PISD: variants seen among roughly 807,000 people sequenced by gnomAD.
The protein encoded by PISD is phosphatidylserine decarboxylase.
PISD carries 31 observed loss-of-function variants against 43.5 expected under a neutral mutation model. The ratio of observed to expected loss-of-function variants is 0.71; its 90% CI spans 0.54 to 0.96. The LOEUF is 0.96. PISD is among the 40% of genes least tolerant of loss of function. The pLI is 0.00. For missense variants in PISD, 523 were observed against 548.4 expected (o/e 0.95, Z 0.46); for synonymous variants, 259 against 228.7 (o/e 1.13, Z -1.20).
intron 2 of PISD, among the ~76,000 whole-genome samples, 158 bp downstream of exon 2, chr22:31,650,541 A>G (rs1372542056): frequency 2.0e-5 from 3 of 151,462 alleles, no homozygotes; most frequent in Non-Finnish European, 4.4e-5. Context: ...AAAAAAAAAA[A>G]GAAAAAGAAA....
At chr22:31,645,855 TAAAA>T (rs200852599) in intron 3 of PISD, among the ~76,000 whole-genome samples, 1 of 108,136 alleles carries the variant, frequency 9.2e-6, no homozygotes, top group Non-Finnish European at 2.0e-5. Flanking sequence ...AGACTCCATC[TAAAA>T]AAAAAAAAAA....
chr22:31,637,651 C>G (rs1468841616), intron 3 of PISD, among the ~76,000 whole-genome samples: 2 of 152,116 alleles, frequency 1.3e-5, no homozygotes, highest in South Asian at 4.1e-4. Flanking sequence ...CTCCATTTTC[C>G]AGAGCAAAGA....
intron 3 of PISD, among the ~76,000 whole-genome samples, chr22:31,623,019 C>T (rs557148265): frequency 6.6e-6 from 1 of 152,350 alleles, no homozygotes; most frequent in Admixed American, 6.5e-5. Flanking sequence ...GAGCCCAGGC[C>T]CTTCCCAGGC....
intron 3 of PISD, among the ~76,000 whole-genome samples, chr22:31,633,921 T>C (rs1400188244): frequency 6.6e-6 from 1 of 152,240 alleles, no homozygotes; most frequent in African/African-American, 2.4e-5. Context: ...CTACCTTGTA[T>C]TTATTTCCTT....
At chr22:31,631,664 C>G (rs574941678) in intron 3 of PISD, among the ~76,000 whole-genome samples, 138 of 152,338 alleles carry the variant, frequency 9.1e-4, no homozygotes, top group Non-Finnish European at 1.4e-3. Context: ...AGGCATCCGA[C>G]AAGCACTCAG....
chr22:31,655,316 CT>C (rs58895520), intron 1 of PISD, among the ~76,000 whole-genome samples: 8,393 of 144,910 alleles, frequency 0.058, 247 homozygotes, highest in African/African-American at 0.087. Context: ...GTACAACCCC[CT>C]TTTTTTTTTT....
intron 3 of PISD, among the ~76,000 whole-genome samples, chr22:31,646,931 G>C (rs1382027317): frequency 6.6e-6 from 1 of 152,036 alleles, no homozygotes; most frequent in African/African-American, 2.4e-5. Context: ...CAGGCCAAAG[G>C]GTAGGCACAT....
chr22:31,650,493 C>T (rs2074001081), intron 2 of PISD, among the ~76,000 whole-genome samples: 1 of 145,946 alleles, frequency 6.9e-6, no homozygotes, highest in Non-Finnish European at 1.5e-5. Flanking sequence ...TGCATCATTG[C>T]ATTCCAGCCT....
At chr22:31,640,914 T>G (rs2073702075) in intron 3 of PISD, among the ~76,000 whole-genome samples, 2 of 116,920 alleles carry the variant, frequency 1.7e-5, no homozygotes, top group South Asian at 3.0e-4. Context: ...TGAGATGGAG[T>G]TTCACTCTTG....
intron 3 of PISD, among the ~76,000 whole-genome samples, chr22:31,637,584 G>A (rs750128678): frequency 6.6e-6 from 1 of 152,016 alleles, no homozygotes; most frequent in Non-Finnish European, 1.5e-5. Flanking sequence ...AGGCACTCAC[G>A]CTGGGACGTG....
intron 1 of PISD, among the ~76,000 whole-genome samples, chr22:31,660,499 C>CA (rs886312836): frequency 3.8e-4 from 57 of 151,810 alleles, no homozygotes; most frequent in African/African-American, 1.3e-3. Flanking sequence ...CCCCCACCCC[C>CA]AAAAAAAATG....
At chr22:31,658,855 C>CTT (rs112877920) in intron 1 of PISD, among the ~76,000 whole-genome samples, 29 of 118,636 alleles carry the variant, frequency 2.4e-4, no homozygotes, top group South Asian at 2.0e-3. Context: ...TTTTCTTTTT[C>CTT]TTTTTTTTTT....
chr22:31,627,770 A>C (rs1468441235), intron 3 of PISD, among the ~76,000 whole-genome samples: 1 of 152,216 alleles, frequency 6.6e-6, no homozygotes, highest in African/African-American at 2.4e-5. Context: ...GAACCCAGAT[A>C]AACCCAGCTC....
rs776707469 is a variant in PISD at position 31,648,062 on chromosome 22, G to A, written c.321+39C>T. The A allele has an allele frequency of 2.6e-6, 4 of 1,549,284 alleles. No individual in the cohort carries two copies. In the Admixed American group the frequency reaches 7.5e-5, roughly 29 times the overall value. ...ACTGGAAAAGTGACAGACAAAGTTTGCTGGACGAGAACCCAAGGCAGTTCC... is the reference window on the plus strand; with the variant it reads ...ACTGGAAAAGTGACAGACAAAGTTTACTGGACGAGAACCCAAGGCAGTTCC... On this transcript the variant is annotated intron_variant, in intron 3 of 7. Transcript: ENST00000439502.
At chr22:31,626,682 C>T (rs1462747150) in intron 3 of PISD, among the ~76,000 whole-genome samples, 1 of 152,242 alleles carries the variant, frequency 6.6e-6, no homozygotes, top group African/African-American at 2.4e-5. Context: ...TTCAGAAAAG[C>T]ACTTTGGCCA....
chr22:31,659,821 A>T (rs2074271784), intron 1 of PISD, among the ~76,000 whole-genome samples: 1 of 151,862 alleles, frequency 6.6e-6, no homozygotes, highest in African/African-American at 2.4e-5. Flanking sequence ...TGACCTCATG[A>T]TCCACCCACC....
chr22:31,651,505 T>C (rs2074027076), intron 1 of PISD, among the ~76,000 whole-genome samples: 3 of 152,190 alleles, frequency 2.0e-5, no homozygotes, highest in Admixed American at 2.0e-4. Context: ...TGGGTTTTTT[T>C]TGGGAGGCCG....
At chr22:31,631,662 G>T (rs912327593) in intron 3 of PISD, among the ~76,000 whole-genome samples, 2 of 152,208 alleles carry the variant, frequency 1.3e-5, no homozygotes, top group Non-Finnish European at 2.9e-5. Flanking sequence ...CCAGGCATCC[G>T]ACAAGCACTC....
chr22:31,637,153 AAAAAAAAAAAAAT>A (rs1366915441), intron 3 of PISD, among the ~76,000 whole-genome samples: 12 of 33,474 alleles, frequency 3.6e-4, no homozygotes, highest in South Asian at 9.5e-4. Flanking sequence ...TAAAAAAAAA[AAAAAAAAAAAAAT>A]ATATATATAT....
Sources: allele counts gnomAD v4.1 joint callset (sites outside exome capture counted in the v4.1 genomes callset), GRCh38; gene constraint gnomAD v4.1.1; transcripts MANE v1.5; gene names NCBI Gene and HGNC (gene_info 2026-07-23, HGNC 2026-07-21).